HHLA2: variants seen among roughly 807,000 people sequenced by gnomAD.
HHLA2 encodes HERV-H LTR-associating protein 2.
Under a neutral mutation model 45.9 loss-of-function variants are expected in HHLA2, and 48 were observed. The ratio of observed to expected loss-of-function variants is 1.05; its 90% CI spans 0.83 to 1.33. HHLA2 has a LOEUF of 1.33. Ranked by LOEUF, HHLA2 falls within the 40% of genes most tolerant of loss-of-function variation. The pLI is 0.00. For synonymous variants in HHLA2, 161 were observed against 173.9 expected, an observed-to-expected ratio of 0.93 and a Z score of 0.59; for missense variants, 462 against 494.3, an observed-to-expected ratio of 0.93 and a Z score of 0.62.
rs2081311563 is a variant in HHLA2 at position 108,327,762 on chromosome 3, ATT to A, written c.-104-505_-104-504del. On this transcript the variant is annotated intron_variant, in intron 2 of 10. Coordinates refer to ENST00000619531, the Ensembl canonical transcript of HHLA2. ...AACATCTGAAGTGCATGCGAGTTTT[ATT>A]TTCAGTTATCTGTTTGATTGTTTTC... Among the ~76,000 whole-genome samples, 5 of 152,204 alleles carry A rather than the reference ATT, an allele frequency of 3.3e-5. 1 individual carries two copies. The East Asian group carries it at 5.8e-4, about 18-fold the overall frequency.
chr3:108,337,744 T>C (rs1001648757), intron 3 of HHLA2, among the ~76,000 whole-genome samples: 4 of 152,104 alleles, frequency 2.6e-5, no homozygotes, highest in Non-Finnish European at 5.9e-5. Flanking sequence ...ACCCAGGAAG[T>C]GTCCAGGGTT....
At chr3:108,303,884 C>T (rs2080886996) in intron 1 of HHLA2, among the ~76,000 whole-genome samples, 1 of 152,166 alleles carries the variant, frequency 6.6e-6, no homozygotes, top group Admixed American at 6.5e-5. Context: ...CACCACCTCA[C>T]AGCAGGTGAC....
intron 2 of HHLA2, among the ~76,000 whole-genome samples, chr3:108,318,011 G>A (rs2107334037): frequency 6.6e-6 from 1 of 151,998 alleles, no homozygotes; most frequent in Middle Eastern, 3.4e-3. Context: ...GAGAAACCCT[G>A]TCTGTACTAA....
intron 3 of HHLA2, among the ~76,000 whole-genome samples, chr3:108,346,604 G>C (rs1202865670): frequency 6.6e-6 from 1 of 152,188 alleles, no homozygotes; most frequent in African/African-American, 2.4e-5. Flanking sequence ...ACCTGTTCTT[G>C]TGGCTCTGGT....
chr3:108,336,406 A>G, intron 3 of HHLA2, among the ~76,000 whole-genome samples: 1 of 152,158 alleles, frequency 6.6e-6, no homozygotes, highest in Non-Finnish European at 1.5e-5. Context: ...TCTAACAATG[A>G]TAACTAATTA....
intron 8 of HHLA2, among the ~76,000 whole-genome samples, chr3:108,367,679 C>A (rs2082087302): frequency 6.6e-6 from 1 of 152,040 alleles, no homozygotes; most frequent in African/African-American, 2.4e-5. Context: ...AAGGAATGAA[C>A]AAAGCCTCCA....
chr3:108,316,072 T>G lies in HHLA2; in HGVS notation c.-105+5331T>G, dbSNP rs554124016. Among the ~76,000 whole-genome samples the G allele has an allele frequency of 4.7e-5, 7 of 148,406 alleles. No homozygotes were observed. The East Asian group carries it at 1.4e-3, about 29-fold the overall frequency. On this transcript the variant is annotated intron_variant, in intron 2 of 10. Coordinates refer to ENST00000619531, the Ensembl canonical transcript of HHLA2. ...AAATTTGAAACAGCTTAGAACAGCT[T>G]ATGACAAACAGTAAAAAAAAAAAAA...
Position 108,376,491 on chromosome 3 carries a change from A to G in HHLA2, c.1160-2A>G. 6.3e-7 allele frequency: 1 copy of G among 1,597,674 alleles called. No individual in the cohort carries two copies. Among genetic ancestry groups the G allele is most frequent in the Non-Finnish European group, 8.5e-7 (1 of 1,174,972 alleles). On this transcript the variant is annotated splice_acceptor_variant, in intron 9 of 10. Coordinates refer to ENST00000619531, the Ensembl canonical transcript of HHLA2. LOFTEE classifies it high-confidence loss of function. ...TTTAAGTTCTCTTTTTTTTTCCTGT[A>G]GAAAGATGTTGTGTCCCTCCTGGTG...
intron 7 of HHLA2, among the ~76,000 whole-genome samples, chr3:108,359,747 A>G (rs1420572561): frequency 6.6e-6 from 1 of 152,144 alleles, no homozygotes; most frequent in Non-Finnish European, 1.5e-5. Flanking sequence ...TAGAAAGTCA[A>G]CCTAACATTC....
intron 2 of HHLA2, among the ~76,000 whole-genome samples, chr3:108,323,833 G>A (rs1433525383): frequency 6.6e-6 from 1 of 152,150 alleles, no homozygotes; most frequent in Non-Finnish European, 1.5e-5. Flanking sequence ...GAACTGAAAT[G>A]AAAATGAATT....
intron 7 of HHLA2, among the ~76,000 whole-genome samples, chr3:108,359,406 C>T (rs984917805): frequency 1.3e-5 from 2 of 152,162 alleles, no homozygotes; most frequent in African/African-American, 4.8e-5. Context: ...GCAGGAGCCA[C>T]CCCAGCAGGC....
At chr3:108,298,129 A>C (rs982361984) in intron 1 of HHLA2, among the ~76,000 whole-genome samples, 1 of 152,194 alleles carries the variant, frequency 6.6e-6, no homozygotes, top group Non-Finnish European at 1.5e-5. Flanking sequence ...CCCAGGGGCT[A>C]TCCAAGAGCC....
intron 8 of HHLA2, among the ~76,000 whole-genome samples, chr3:108,365,028 T>C (rs1408457805): frequency 6.6e-6 from 1 of 152,236 alleles, no homozygotes; most frequent in African/African-American, 2.4e-5. Flanking sequence ...ATTTTGGCTT[T>C]TGTTGCAATT....
chr3:108,304,161 G>C (rs1423209291), intron 1 of HHLA2, among the ~76,000 whole-genome samples: 1 of 152,112 alleles, frequency 6.6e-6, no homozygotes, highest in African/African-American at 2.4e-5. Context: ...CAACGCCATT[G>C]TTTATGTTCC....
intron 7 of HHLA2, among the ~76,000 whole-genome samples, chr3:108,361,359 G>A (rs1349349785): frequency 1.3e-5 from 2 of 152,150 alleles, no homozygotes; most frequent in African/African-American, 2.4e-5. Context: ...CCTTTGTCCA[G>A]CATATCACAC....
In HHLA2 at chr3:108,353,606, G is replaced by GA. The variant is rs1170038792; in HGVS notation, c.247dup (p.Ser83LysfsTer15). 1 of 1,613,720 alleles carries GA rather than the reference G, an allele frequency of 6.2e-7. No homozygotes were observed. Among genetic ancestry groups the GA allele is most frequent in the Non-Finnish European group, 8.5e-7 (1 of 1,179,770 alleles). Reference sequence around the variant, plus strand: ...TTACTACAAAGGCAGTGACCATTTGGAAAGCCAAGATCCCAGATATGCAAA... The same window carrying GA: ...TTACTACAAAGGCAGTGACCATTTGGAAAAGCCAAGATCCCAGATATGCAAA... On this transcript the variant is annotated frameshift_variant, in exon 5 of 11. Coordinates refer to ENST00000619531, the Ensembl canonical transcript of HHLA2. LOFTEE classifies it high-confidence loss of function.
At chr3:108,327,647 A>G (rs1017039622) in intron 2 of HHLA2, among the ~76,000 whole-genome samples, 1 of 152,062 alleles carries the variant, frequency 6.6e-6, no homozygotes, top group Non-Finnish European at 1.5e-5. Flanking sequence ...TTGGTTCTTT[A>G]TCATGGTTTT....
At chr3:108,343,209 C>T (rs960286224) in intron 3 of HHLA2, among the ~76,000 whole-genome samples, 1 of 152,142 alleles carries the variant, frequency 6.6e-6, no homozygotes, top group Admixed American at 6.5e-5. Context: ...GAACTTGAAC[C>T]TTTCCTGGCT....
rs573785338 is a variant in HHLA2 at position 108,376,476 on chromosome 3, C to CT, written c.1160-8dup. ...TGCAAAGAAATTATTTTTAAGTTCT[C>CT]TTTTTTTTTCCTGTAGAAAGATGTT... On this transcript the variant is annotated splice_polypyrimidine_tract_variant and intron_variant, in intron 9 of 10. Coordinates refer to ENST00000619531, the Ensembl canonical transcript of HHLA2. 4.0e-4 allele frequency: 626 copies of CT among 1,556,628 alleles called. No homozygotes were observed. Among genetic ancestry groups the CT allele is most frequent in the South Asian group, 1.1e-3 (91 of 84,390 alleles).
Sources: gnomAD v4.1 joint callset for allele counts (sites outside exome capture counted in the v4.1 genomes callset) on GRCh38, gnomAD v4.1.1 for gene constraint, MANE v1.5 for transcripts, NCBI Gene and HGNC (gene_info 2026-07-23, HGNC 2026-07-21) for gene names.